Variants in RP2 observed in about 807,000 individuals in gnomAD.
RP2 encodes the protein protein XRP2.
RP2 carries 3 observed loss-of-function variants against 20.3 expected under a neutral mutation model. That is an observed-to-expected ratio of 0.15 (90% CI 0.07 to 0.38). The LOEUF (loss-of-function observed/expected upper bound fraction) is 0.38. Ranked by LOEUF, RP2 falls within the 10% of genes least tolerant of loss-of-function variation. RP2 has a pLI of 1.00. For synonymous variants in RP2, 75 were observed against 94.8 expected (o/e 0.79, Z 1.22); for missense variants, 233 against 268.5 (o/e 0.87, Z 0.92).
At chrX:46,839,473 G>C (rs1924574884) in intron 1 of RP2, among the ~76,000 whole-genome samples, 1 of 110,670 alleles carries the variant, frequency 9.0e-6, no homozygotes, top group East Asian at 2.8e-4. Flanking sequence ...GATCACCTGA[G>C]CCTGGGACTT....
chrX:46,869,323 AGTTTT>A (rs1464663917), intron 3 of RP2, among the ~76,000 whole-genome samples: 1 of 100,896 alleles, frequency 9.9e-6, no homozygotes, highest in Non-Finnish European at 2.0e-5. Flanking sequence ...TTTAAGACGG[AGTTTT>A]GCTCTTTGTT....
At chrX:46,842,724 A>G (rs782008959) in intron 1 of RP2, among the ~76,000 whole-genome samples, 1 of 111,773 alleles carries the variant, frequency 8.9e-6, no homozygotes, top group Non-Finnish European at 1.9e-5. Flanking sequence ...TGGAGCCACA[A>G]TATTTAGCCT....
At chrX:46,855,580 G>T (rs1924943340) in intron 2 of RP2, among the ~76,000 whole-genome samples, 2 of 110,356 alleles carry the variant, frequency 1.8e-5, no homozygotes, top group South Asian at 7.8e-4. Flanking sequence ...CGATTCTCCT[G>T]CCTCAGCCTC....
chrX:46,837,417 C>T (rs1330295187), intron 1 of RP2, among the ~76,000 whole-genome samples: 1 of 111,615 alleles, frequency 9.0e-6, no homozygotes, highest in African/African-American at 3.3e-5. Flanking sequence ...CCGGAAGGAG[C>T]CTTAGGAGTT....
At chrX:46,865,529 C>A (rs970195968) in intron 3 of RP2, among the ~76,000 whole-genome samples, 16 of 111,900 alleles carry the variant, frequency 1.4e-4, no homozygotes, top group African/African-American at 5.2e-4. Context: ...ATACTCCATT[C>A]TTTGAAAATG....
chrX:46,865,769 A>G (rs1556322215), intron 3 of RP2, among the ~76,000 whole-genome samples: 1 of 111,029 alleles, frequency 9.0e-6, no homozygotes, highest in African/African-American at 3.3e-5. Context: ...CTCTACTAAA[A>G]ATACATAAAT....
intron 3 of RP2, among the ~76,000 whole-genome samples, chrX:46,874,217 A>T (rs1602354240): frequency 8.9e-6 from 1 of 111,941 alleles, no homozygotes; most frequent in Middle Eastern, 4.6e-3. Flanking sequence ...ATCAAGTTAT[A>T]TACCTGAGTA....
intron 4 of RP2, among the ~76,000 whole-genome samples, chrX:46,879,084 A>AAC (rs1308780055): frequency 9.9e-6 from 1 of 100,583 alleles, no homozygotes; most frequent in Non-Finnish European, 2.0e-5. Context: ...AAAAAAAAAA[A>AAC]AAAAAACTAG....
At chrX:46,837,398 T>C (rs782478715) in intron 1 of RP2, among the ~76,000 whole-genome samples, 196 bp downstream of exon 1, 3 of 111,630 alleles carry the variant, frequency 2.7e-5, no homozygotes, top group Non-Finnish European at 3.8e-5. Context: ...CCCAGAGGGC[T>C]GTGGAGCTCC....
rs1556313384 is a variant in RP2 at position 46,837,086 on chromosome X, C to T, written c.-15C>T. ...GAGCTAGTGAGCTGGCCAACGAGCT[C>T]CGCGGGCTGGGACCATGGGCTGCTT... On this transcript the variant is annotated 5_prime_UTR_variant, in exon 1 of 5. Transcript: ENST00000218340. 1 of 1,167,055 alleles carries T rather than the reference C, an allele frequency of 8.6e-7. No homozygotes were observed. The highest frequency in any genetic ancestry group is 1.1e-6 in the Non-Finnish European group (1 of 872,152).
chrX:46,880,134 CT>C lies in RP2; in HGVS notation c.*372del. The C allele has an allele frequency of 8.3e-6, 1 of 120,848 alleles. No homozygotes were observed. 10.0% of individuals were successfully genotyped at this position (120,848 alleles called of 1,213,427 possible). ...AAACTTTCCTCAGTGCTCCATGATACTTTTTTTGAGACTCCATATCATTGCT... is the reference window on the plus strand; with the variant it reads ...AAACTTTCCTCAGTGCTCCATGATACTTTTTTGAGACTCCATATCATTGCT... On this transcript the variant is annotated 3_prime_UTR_variant, in exon 5 of 5. Coordinates refer to ENST00000218340, the MANE Select transcript of RP2 (RefSeq NM_006915.3).
At position 46,847,744 on chromosome X, in the gene RP2, ATGTGTGTGTGTATATACACACATG is replaced by A. The variant is rs1406696496; in HGVS notation, c.103-5722_103-5699del. 4.1e-3 allele frequency among the ~76,000 whole-genome samples: 335 copies of A among 81,519 alleles called. 2 individuals carry two copies. The highest frequency in any genetic ancestry group is 0.015 in the African/African-American group (309 of 20,388). 70.8% of individuals were successfully genotyped at this position (81,519 alleles called of 115,157 possible). The stretch of plus-strand genomic sequence containing the variant: ...TATGTGTGTGTGTATATACACACAT[ATGTGTGTGTGTATATACACACATG>A]TGTGTGTGTACATACACACATGTGT... On this transcript the variant is annotated intron_variant, in intron 1 of 4. Coordinates refer to ENST00000218340, the MANE Select transcript of RP2 (RefSeq NM_006915.3).
At chrX:46,844,783 A>C (rs1924688966) in intron 1 of RP2, among the ~76,000 whole-genome samples, 1 of 111,837 alleles carries the variant, frequency 8.9e-6, no homozygotes, top group African/African-American at 3.3e-5. Context: ...GAACTAGTTT[A>C]CAGTCTCACC....
intron 2 of RP2, among the ~76,000 whole-genome samples, chrX:46,856,734 A>G (rs1274947266): frequency 2.7e-5 from 3 of 111,623 alleles, no homozygotes; most frequent in Non-Finnish European, 3.8e-5. Flanking sequence ...ATGTGACTGA[A>G]AGCATGTGGA....
At chrX:46,855,687 G>T (rs782438767) in intron 2 of RP2, among the ~76,000 whole-genome samples, 1 of 109,742 alleles carries the variant, frequency 9.1e-6, no homozygotes, top group African/African-American at 3.3e-5. Flanking sequence ...GGCTGGTCTC[G>T]AACTCCTGAC....
At chrX:46,873,620 C>CA (rs1236202414) in intron 3 of RP2, among the ~76,000 whole-genome samples, 8 of 111,262 alleles carry the variant, frequency 7.2e-5, no homozygotes, top group African/African-American at 2.3e-4. Context: ...AGAATTGAGA[C>CA]ATGAGAAAGC....
intron 3 of RP2, among the ~76,000 whole-genome samples, chrX:46,868,309 G>A (rs146799857): frequency 0.019 from 2,141 of 110,232 alleles, 50 homozygotes; most frequent in African/African-American, 0.068. Flanking sequence ...AGGATTGCTT[G>A]AGCCCAGGAG....
At chrX:46,842,102 T>C (rs1924632453) in intron 1 of RP2, among the ~76,000 whole-genome samples, 1 of 111,355 alleles carries the variant, frequency 9.0e-6, no homozygotes, top group African/African-American at 3.3e-5. Flanking sequence ...TTAGTAGAGA[T>C]GAGGTTTCAC....
In RP2 at chrX:46,881,154, T is replaced by C. The variant is rs973567578; in HGVS notation, c.*1385T>C. The C allele has an allele frequency of 8.0e-5, 9 of 111,952 alleles. No homozygotes were observed. Among genetic ancestry groups the C allele is most frequent in the African/African-American group, 1.6e-4 (5 of 30,858 alleles). The allele number at this position is 111,952 out of a possible 1,213,427, so 9.2% of individuals were successfully genotyped here. ...TATTTTTGGGTTAATAACTACTACATTGAATTGCATGTTAAGGTGCAGAAA... is the reference window on the plus strand; with the variant it reads ...TATTTTTGGGTTAATAACTACTACACTGAATTGCATGTTAAGGTGCAGAAA... On this transcript the variant is annotated 3_prime_UTR_variant, in exon 5 of 5. Transcript: ENST00000218340.
Sources: allele counts gnomAD v4.1 joint callset (sites outside exome capture counted in the v4.1 genomes callset), GRCh38; gene constraint gnomAD v4.1.1; transcripts MANE v1.5; gene names NCBI Gene and HGNC (gene_info 2026-07-23, HGNC 2026-07-21).